The following LRRC4C variants were observed in gnomAD, a reference collection of about 807,000 sequenced individuals.
LRRC4C encodes the protein leucine-rich repeat-containing protein 4C.
A neutral mutation model predicts 33.6 loss-of-function variants in LRRC4C; 5 were observed. The ratio of observed to expected loss-of-function variants is 0.15; its 90% CI spans 0.08 to 0.31. The LOEUF is 0.31. Ranked by LOEUF, LRRC4C falls within the 10% of genes least tolerant of loss-of-function variation. The probability of loss-of-function intolerance (pLI) is 1.00; values close to 1 mark genes in which losing one functional copy is unlikely to be tolerated. For missense variants in LRRC4C, 560 were observed against 796.7 expected (o/e 0.70, Z 3.58); for synonymous variants, 329 against 302.0 (o/e 1.09, Z -0.93).
intron 1 of LRRC4C, among the ~76,000 whole-genome samples, chr11:41,287,152 A>G (rs1949853418): frequency 6.6e-6 from 1 of 152,230 alleles, no homozygotes; most frequent in Non-Finnish European, 1.5e-5. Context: ...TTTCATTAAT[A>G]TAAGCCACTG....
chr11:40,219,046 A>T (rs945100073), intron 5 of LRRC4C, among the ~76,000 whole-genome samples: 3 of 152,120 alleles, frequency 2.0e-5, no homozygotes, highest in Non-Finnish European at 2.9e-5. Context: ...TTATAATTGC[A>T]ATCACTTTTC....
At chr11:40,202,911 G>A (rs777875116) in intron 5 of LRRC4C, among the ~76,000 whole-genome samples, 2 of 152,082 alleles carry the variant, frequency 1.3e-5, no homozygotes, top group Non-Finnish European at 2.9e-5. Flanking sequence ...GAGACAAATG[G>A]GTCTTGCATG....
chr11:40,696,748 G>GTGTATATATA (rs368234307), intron 2 of LRRC4C, among the ~76,000 whole-genome samples: 1,720 of 125,802 alleles, frequency 0.014, 26 homozygotes, highest in South Asian at 0.023. Context: ...TATACACTGT[G>GTGTATATATA]TATATATATA....
At chr11:40,553,351 T>A (rs1458559791) in intron 3 of LRRC4C, among the ~76,000 whole-genome samples, 2 of 152,152 alleles carry the variant, frequency 1.3e-5, no homozygotes, top group East Asian at 3.9e-4. Flanking sequence ...AGAACTAAAT[T>A]AATATAGGAA....
At chr11:40,497,160 A>G (rs1425164587) in intron 3 of LRRC4C, among the ~76,000 whole-genome samples, 1 of 152,088 alleles carries the variant, frequency 6.6e-6, no homozygotes, top group Non-Finnish European at 1.5e-5. Flanking sequence ...AATCCCAGCA[A>G]TTTGGGAGGC....
chr11:40,169,955 C>T (rs551986710), intron 5 of LRRC4C, among the ~76,000 whole-genome samples: 6 of 152,224 alleles, frequency 3.9e-5, no homozygotes, highest in African/African-American at 1.4e-4. Context: ...TAAAGCTAGG[C>T]TTTTAGTTAC....
intron 4 of LRRC4C, among the ~76,000 whole-genome samples, chr11:40,318,262 G>A (rs552762641): frequency 1.3e-5 from 2 of 151,988 alleles, no homozygotes; most frequent in Non-Finnish European, 2.9e-5. Flanking sequence ...AGCCACAATG[G>A]TCTAATTTAT....
intron 2 of LRRC4C, among the ~76,000 whole-genome samples, chr11:40,659,374 G>T (rs1196621166): frequency 6.6e-6 from 1 of 152,174 alleles, no homozygotes; most frequent in East Asian, 1.9e-4. Context: ...CAGGCAGAAA[G>T]GAGGGGGTCC....
chr11:40,643,556 A>G (rs1481178389), intron 3 of LRRC4C, among the ~76,000 whole-genome samples: 5 of 152,126 alleles, frequency 3.3e-5, no homozygotes, highest in African/African-American at 1.2e-4. Flanking sequence ...GATGGTGTCA[A>G]ACTAGGCTTA....
chr11:40,341,686 A>G (rs2137013531), intron 3 of LRRC4C, among the ~76,000 whole-genome samples: 1 of 152,320 alleles, frequency 6.6e-6, no homozygotes, highest in East Asian at 1.9e-4. Flanking sequence ...TTAAAGTATA[A>G]TAAAAAAACT....
intron 1 of LRRC4C, among the ~76,000 whole-genome samples, chr11:41,083,101 A>G (rs540782107): frequency 6.6e-6 from 1 of 152,292 alleles, no homozygotes; most frequent in Admixed American, 6.5e-5. Context: ...GTGTAAAGAA[A>G]GAAAAGATAT....
chr11:40,551,045 A>T (rs1033455284), intron 3 of LRRC4C, among the ~76,000 whole-genome samples: 1 of 152,102 alleles, frequency 6.6e-6, no homozygotes, highest in Non-Finnish European at 1.5e-5. Context: ...AGAGATCCTA[A>T]CACCTCTTCC....
intron 1 of LRRC4C, among the ~76,000 whole-genome samples, chr11:41,295,108 A>C (rs1265624021): frequency 6.6e-6 from 1 of 152,246 alleles, no homozygotes; most frequent in African/African-American, 2.4e-5. Flanking sequence ...AAACTAATTC[A>C]AAGAGGGAAA....
intron 3 of LRRC4C, among the ~76,000 whole-genome samples, chr11:40,334,387 G>T (rs1372679294): frequency 6.6e-6 from 1 of 151,890 alleles, no homozygotes; most frequent in African/African-American, 2.4e-5. Flanking sequence ...GCTAGAGTTT[G>T]AGAAGGTTGA....
intron 1 of LRRC4C, among the ~76,000 whole-genome samples, chr11:41,107,762 G>A (rs1001581742): frequency 7.9e-5 from 12 of 151,982 alleles, no homozygotes. Context: ...ACATGGCGAA[G>A]CCCCACATCT....
chr11:40,911,210 G>A (rs957610662), intron 2 of LRRC4C, among the ~76,000 whole-genome samples: 10 of 152,294 alleles, frequency 6.6e-5, no homozygotes, highest in Middle Eastern at 3.4e-3. Flanking sequence ...GATTCTCCCA[G>A]CACGCAGCTT....
chr11:40,148,891 T>C (rs947164979), intron 5 of LRRC4C, among the ~76,000 whole-genome samples: 1 of 152,110 alleles, frequency 6.6e-6, no homozygotes, highest in African/African-American at 2.4e-5. Context: ...TTTGAATCTT[T>C]TGCATATGGC....
intron 2 of LRRC4C, among the ~76,000 whole-genome samples, chr11:40,718,495 A>T (rs1405181366): frequency 6.6e-6 from 1 of 152,136 alleles, no homozygotes; most frequent in African/African-American, 2.4e-5. Flanking sequence ...CTGAGGCGCT[A>T]AAGGAATTTA....
chr11:40,942,305 A>G (rs1465662044), intron 1 of LRRC4C, among the ~76,000 whole-genome samples: 4 of 152,196 alleles, frequency 2.6e-5, no homozygotes, highest in Non-Finnish European at 5.9e-5. Context: ...TTCTAGGACT[A>G]TCAGTCAATT....
Sources: allele counts gnomAD v4.1 joint callset (sites outside exome capture counted in the v4.1 genomes callset), GRCh38; gene constraint gnomAD v4.1.1; transcripts MANE v1.5; gene names NCBI Gene and HGNC (gene_info 2026-07-23, HGNC 2026-07-21).